NEGR1: variants seen among roughly 807,000 people sequenced by gnomAD.
The protein encoded by NEGR1 is neuronal growth regulator 1, also known as IgLON family member 4.
Under a neutral mutation model 40.9 loss-of-function variants are expected in NEGR1, and 10 were observed. That is an observed-to-expected ratio of 0.24 (90% CI 0.15 to 0.42). The LOEUF (loss-of-function observed/expected upper bound fraction) is 0.42, where lower values mean the gene tolerates loss of function less well. Among genes scored for constraint, NEGR1 ranks in the 10% least tolerant of loss-of-function variants. The probability of loss-of-function intolerance (pLI) is 1.00; values close to 1 mark genes in which losing one functional copy is unlikely to be tolerated. For synonymous variants in NEGR1, 185 were observed against 166.8 expected (o/e 1.11, Z -0.84); for missense variants, 352 against 438.9 (o/e 0.80, Z 1.77).
At chr1:71,639,038 C>T (rs1570137773) in intron 4 of NEGR1, among the ~76,000 whole-genome samples, 3 of 151,288 alleles carry the variant, frequency 2.0e-5, no homozygotes, top group Non-Finnish European at 3.0e-5. Flanking sequence ...GGCCTATATC[C>T]CAAATTCATA....
intron 1 of NEGR1, among the ~76,000 whole-genome samples, chr1:72,171,785 T>A (rs1486111): frequency 0.21 from 31,427 of 152,124 alleles, 3,771 homozygotes; most frequent in South Asian, 0.28. Flanking sequence ...AGAACAGTTA[T>A]TGAAACATTA....
At chr1:71,939,484 G>T (rs1350113405) in intron 1 of NEGR1, among the ~76,000 whole-genome samples, 17 of 152,080 alleles carry the variant, frequency 1.1e-4, no homozygotes, top group Non-Finnish European at 2.9e-5. Flanking sequence ...ATGATAAAGT[G>T]TATCAAAATT....
chr1:72,150,227 A>G (rs978689740), intron 1 of NEGR1, among the ~76,000 whole-genome samples: 1 of 152,206 alleles, frequency 6.6e-6, no homozygotes, highest in Non-Finnish European at 1.5e-5. Flanking sequence ...CATGAAGCAC[A>G]GTCTTTCAAA....
chr1:71,670,462 G>C (rs1198059147), intron 4 of NEGR1, among the ~76,000 whole-genome samples: 1 of 151,960 alleles, frequency 6.6e-6, no homozygotes, highest in African/African-American at 2.4e-5. Flanking sequence ...TACATTTTTT[G>C]TTGTTGTTCT....
chr1:71,434,105 A>G (rs977293117), intron 6 of NEGR1, among the ~76,000 whole-genome samples: 2 of 152,074 alleles, frequency 1.3e-5, no homozygotes, highest in Admixed American at 1.3e-4. Context: ...TTTTTTCAAT[A>G]AATATATTGA....
At chr1:72,222,949 G>T (rs1018649979) in intron 1 of NEGR1, among the ~76,000 whole-genome samples, 3 of 152,106 alleles carry the variant, frequency 2.0e-5, no homozygotes, top group African/African-American at 7.2e-5. Context: ...TCCCTATGAT[G>T]TTGGAAATGT....
At chr1:72,059,642 T>C (rs1189102539) in intron 1 of NEGR1, among the ~76,000 whole-genome samples, 2 of 151,698 alleles carry the variant, frequency 1.3e-5, no homozygotes, top group Non-Finnish European at 3.0e-5. Context: ...TTAATGATCA[T>C]ATTTACAAGT....
intron 1 of NEGR1, among the ~76,000 whole-genome samples, chr1:72,055,412 A>G (rs1423833419): frequency 1.3e-5 from 2 of 151,230 alleles, no homozygotes; most frequent in Non-Finnish European, 3.0e-5. Flanking sequence ...ACTGTGATTT[A>G]CAATGCTGCT....
chr1:71,707,358 T>A (rs946480055), intron 3 of NEGR1, among the ~76,000 whole-genome samples: 16 of 152,200 alleles, frequency 1.1e-4, no homozygotes, highest in African/African-American at 3.6e-4. Context: ...AGTGGTAGGC[T>A]GAGAGTGCTC....
At chr1:71,660,255 TGTAA>T (rs1163820157) in intron 4 of NEGR1, among the ~76,000 whole-genome samples, 2 of 152,186 alleles carry the variant, frequency 1.3e-5, no homozygotes, top group Admixed American at 6.5e-5. Flanking sequence ...TGTTCTTACT[TGTAA>T]GTGAGAGCTA....
intron 6 of NEGR1, among the ~76,000 whole-genome samples, chr1:71,565,974 G>T (rs1466800952): frequency 6.6e-6 from 1 of 152,078 alleles, no homozygotes; most frequent in Non-Finnish European, 1.5e-5. Flanking sequence ...AAGGCCATGT[G>T]AAGACAGAGA....
chr1:71,702,782 A>G (rs1045170458), intron 3 of NEGR1, among the ~76,000 whole-genome samples: 1 of 151,198 alleles, frequency 6.6e-6, no homozygotes, highest in Non-Finnish European at 1.5e-5. Context: ...CAGAACTTTG[A>G]TCTCTAATGG....
intron 2 of NEGR1, among the ~76,000 whole-genome samples, chr1:71,909,196 A>G (rs1245048649): frequency 6.6e-6 from 1 of 152,222 alleles, no homozygotes; most frequent in Non-Finnish European, 1.5e-5. Flanking sequence ...TACAGAGAGT[A>G]CTTTTAAGAG....
At chr1:72,022,329 G>A (rs1349438986) in intron 1 of NEGR1, among the ~76,000 whole-genome samples, 1 of 138,372 alleles carries the variant, frequency 7.2e-6, no homozygotes, top group East Asian at 2.1e-4. Context: ...AAACAATCCA[G>A]AAGTTTATAA....
intron 5 of NEGR1, 31 bp from the exon 6 acceptor site, chr1:71,592,999 T>C (rs1553152300): frequency 6.5e-6 from 10 of 1,546,724 alleles, no homozygotes; most frequent in Non-Finnish European, 3.6e-6. Context: ...TAGGTAAATA[T>C]GTATTGTGAA....
chr1:71,554,308 G>T (rs936443627), intron 6 of NEGR1, among the ~76,000 whole-genome samples: 5 of 151,450 alleles, frequency 3.3e-5, no homozygotes, highest in African/African-American at 1.2e-4. Context: ...TTGCTAATTA[G>T]ACAATATTAT....
intron 1 of NEGR1, among the ~76,000 whole-genome samples, chr1:72,164,850 A>G (rs757798777): frequency 6.6e-6 from 1 of 152,076 alleles, no homozygotes; most frequent in Non-Finnish European, 1.5e-5. Context: ...GAAAAATAAG[A>G]TGGGGCAGAG....
At chr1:71,793,070 C>A (rs186038394) in intron 2 of NEGR1, among the ~76,000 whole-genome samples, 2 of 150,016 alleles carry the variant, frequency 1.3e-5, no homozygotes, top group African/African-American at 2.5e-5. Flanking sequence ...ATCCTCCTTG[C>A]TGTTTCCTTA....
chr1:71,608,712 T>C (rs1322313087), intron 5 of NEGR1, among the ~76,000 whole-genome samples: 3 of 152,156 alleles, frequency 2.0e-5, no homozygotes, highest in Non-Finnish European at 4.4e-5. Flanking sequence ...TTATACAGTG[T>C]TTTGTAGAGA....
Sources: allele counts gnomAD v4.1 joint callset (sites outside exome capture counted in the v4.1 genomes callset), GRCh38; gene constraint gnomAD v4.1.1; transcripts MANE v1.5; gene names NCBI Gene and HGNC (gene_info 2026-07-23, HGNC 2026-07-21).